The following NFIB variants were observed in gnomAD, a reference collection of about 807,000 sequenced individuals.
NFIB encodes the protein nuclear factor I B, also known as nuclear factor 1 B-type.
NFIB carries 11 observed loss-of-function variants against 61.5 expected under a neutral mutation model. The observed-to-expected ratio is 0.18, with a 90% CI of 0.11 to 0.30. The LOEUF is 0.30. Ranked by LOEUF, NFIB falls within the 10% of genes least tolerant of loss-of-function variation. The pLI is 1.00. For missense variants in NFIB, 471 were observed against 608.9 expected, an observed-to-expected ratio of 0.77 and a Z score of 2.38; for synonymous variants, 260 against 216.5, an observed-to-expected ratio of 1.20 and a Z score of -1.76.
chr9:14,106,231 T>C (rs1437919909), intron 10 of NFIB, among the ~76,000 whole-genome samples: 2 of 152,148 alleles, frequency 1.3e-5, no homozygotes, highest in Non-Finnish European at 2.9e-5. Context: ...TTCTTATTTT[T>C]GTAACAATAT....
chr9:14,445,284 C>A, the NFIB span, among the ~76,000 whole-genome samples: 2 of 151,974 alleles, frequency 1.3e-5, no homozygotes, highest in African/African-American at 4.8e-5. Flanking sequence ...TAATTTTAAT[C>A]ATTTCTATTT....
intron 2 of NFIB, among the ~76,000 whole-genome samples, chr9:14,195,450 G>A (rs779755125): frequency 2.6e-5 from 4 of 152,190 alleles, no homozygotes; most frequent in African/African-American, 7.2e-5. Flanking sequence ...AATTTTGTGA[G>A]CACACGAAAC....
rs189519711 is a variant in NFIB at position 14,268,786 on chromosome 9, T to C, written c.562+38203A>G. Among the ~76,000 whole-genome samples the C allele has an allele frequency of 1.5e-3, 225 of 152,360 alleles. 2 individuals carry two copies. The highest frequency in any genetic ancestry group is 5.2e-3 in the African/African-American group (216 of 41,584). On this transcript the variant is annotated intron_variant, in intron 2 of 10. Transcript: ENST00000380953. ...ACAGGGATTACTTCATTGGTCTTCA[T>C]ATTTCTCTAACCTTTAGCATGCTCC...
chr9:14,398,766 A>G, exon 1 of NFIB: 1 of 613,510 alleles, frequency 1.6e-6, no homozygotes, highest in Non-Finnish European at 2.8e-6. Context: ...GAAGGTCCGA[A>G]GAGTTTGAGG....
At chr9:14,274,172 C>T (rs895663625) in intron 2 of NFIB, among the ~76,000 whole-genome samples, 1 of 151,388 alleles carries the variant, frequency 6.6e-6, no homozygotes. Flanking sequence ...GACATTTCCA[C>T]TGGTAGTTCT....
chr9:14,146,634 A>G (rs1011476791), intron 6 of NFIB, 55 bp downstream of exon 6: 2 of 1,611,480 alleles, frequency 1.2e-6, no homozygotes, highest in African/African-American at 1.3e-5. Context: ...ACGAAACTTA[A>G]GAAACGAGCC....
intron 1 of NFIB, among the ~76,000 whole-genome samples, chr9:14,333,767 C>T (rs1030970244): frequency 3.3e-5 from 5 of 152,234 alleles, no homozygotes; most frequent in Non-Finnish European, 5.9e-5. Context: ...GTATACATCA[C>T]GAGTGTATAG....
At chr9:14,356,623 G>A (rs112158306) in intron 1 of NFIB, among the ~76,000 whole-genome samples, 10 of 152,000 alleles carry the variant, frequency 6.6e-5, no homozygotes, top group African/African-American at 1.5e-4. Context: ...TGGGGTTTAC[G>A]AGCAGGACTC....
chr9:14,113,373 A>G (rs1183593575), intron 9 of NFIB, among the ~76,000 whole-genome samples: 1 of 152,160 alleles, frequency 6.6e-6, no homozygotes, highest in South Asian at 2.1e-4. Context: ...GGAGGTACTA[A>G]GGATTGGATA....
chr9:14,455,336 G>C, the NFIB span, among the ~76,000 whole-genome samples: 1 of 152,198 alleles, frequency 6.6e-6, no homozygotes, highest in Non-Finnish European at 1.5e-5. Context: ...TATAACAAAA[G>C]TCATGCATTA....
Position 14,083,847 on chromosome 9 carries a change from T to C in NFIB, c.*4462A>G, listed in dbSNP as rs1022875170. ...TTCTGCTCCCTGAGGACACGTTATG[T>C]GAGACATAGCACTGTTTTAGTTTTC... is the stretch of plus-strand genomic sequence containing the variant. On this transcript the variant is annotated 3_prime_UTR_variant, in exon 11 of 11. Coordinates refer to ENST00000380953, the MANE Select transcript of NFIB (RefSeq NM_001190737.2). 1 of 225,510 alleles carries C rather than the reference T, an allele frequency of 4.4e-6. No homozygotes were observed. The highest frequency in any genetic ancestry group is 8.8e-6 in the Non-Finnish European group (1 of 113,168). 14.0% of individuals were successfully genotyped at this position (225,510 alleles called of 1,614,324 possible). A position where few individuals can be genotyped will look rare whatever the true frequency, so the allele number is the denominator to read the frequency against.
At chr9:14,204,212 G>T in intron 2 of NFIB, 1 of 537,144 alleles carries the variant, frequency 1.9e-6, no homozygotes, top group South Asian at 2.9e-5. Flanking sequence ...AAAATTTGAG[G>T]AATGATCTCT....
rs2060074971 is a variant in NFIB, at chr9:14,307,475, C to A, written c.76G>T (p.Ala26Ser). ...FIEALLPHVRAIAYTWFNLQA... is the reference protein window; with the variant it reads ...FIEALLPHVRSIAYTWFNLQA... ...AGGTTGAACCAAGTATAGGCAATTG[C>A]ACGGACATGTGGAAGAAGTGCCTCG... is the stretch of plus-strand genomic sequence containing the variant. Residue 26 changes from alanine to serine, a missense_variant, in exon 2 of 11, where the codon GCA (alanine) becomes TCA (serine). Around this residue, in one of 2 missense-constraint regions of NFIB, gnomAD observed 99 missense variants for 213.3 expected, o/e 0.46. Transcript: ENST00000380953. The surrounding 1 kb of genome is among the most constrained non-coding windows in gnomAD (Gnocchi z 5.3). The A allele has an allele frequency of 6.2e-7, 1 of 1,612,736 alleles. No individual in the cohort carries two copies. Among genetic ancestry groups the A allele is most frequent in the Non-Finnish European group, 8.5e-7 (1 of 1,179,280 alleles).
intron 6 of NFIB, among the ~76,000 whole-genome samples, chr9:14,146,331 C>T (rs2042272025): frequency 1.3e-5 from 2 of 152,062 alleles, no homozygotes; most frequent in South Asian, 4.1e-4. Context: ...AGTTTGGCTC[C>T]CTGCAACGCT....
intron 2 of NFIB, among the ~76,000 whole-genome samples, chr9:14,281,949 T>C (rs998423798): frequency 6.6e-6 from 1 of 152,170 alleles, no homozygotes; most frequent in Non-Finnish European, 1.5e-5. Flanking sequence ...ATAGGTCAAA[T>C]ATCTGTACTT....
At chr9:14,490,287 T>C in the NFIB span, among the ~76,000 whole-genome samples, 3 of 151,982 alleles carry the variant, frequency 2.0e-5, no homozygotes, top group Non-Finnish European at 2.9e-5. Context: ...GATTATCTAG[T>C]TGGACATACA....
intron 1 of NFIB, among the ~76,000 whole-genome samples, chr9:14,365,837 G>T (rs1318121396): frequency 1.3e-5 from 2 of 152,120 alleles, no homozygotes; most frequent in African/African-American, 4.8e-5. Context: ...CTGATCTAAC[G>T]TGAGACCAAA....
At chr9:14,299,423 T>A (rs1231170194) in intron 2 of NFIB, among the ~76,000 whole-genome samples, 2 of 152,260 alleles carry the variant, frequency 1.3e-5, no homozygotes, top group African/African-American at 2.4e-5. Flanking sequence ...TTAAGTTGAC[T>A]ATTTTGAGAA....
chr9:14,305,736 C>A (rs1370273777), intron 2 of NFIB: 1 of 246,868 alleles, frequency 4.1e-6, no homozygotes. Flanking sequence ...AATTCAGAGT[C>A]AAAAAAGTAA....
Sources: allele counts gnomAD v4.1 joint callset (sites outside exome capture counted in the v4.1 genomes callset), GRCh38; gene constraint gnomAD v4.1.1; regional missense constraint gnomAD v4.1.1; non-coding constraint Gnocchi (gnomAD v3.1); transcripts MANE v1.5; gene names NCBI Gene and HGNC (gene_info 2026-07-23, HGNC 2026-07-21).